CDC14A: variants seen among roughly 807,000 people sequenced by gnomAD.
CDC14A encodes the protein dual specificity protein phosphatase CDC14A.
In CDC14A, 53 loss-of-function variants were observed where a neutral mutation model predicts 74.4. The observed-to-expected ratio is 0.71, with a 90% CI of 0.57 to 0.89. The LOEUF (loss-of-function observed/expected upper bound fraction) is 0.89. CDC14A is among the 40% of genes least tolerant of loss of function. The pLI is 0.00. For synonymous variants in CDC14A, 247 were observed against 258.4 expected (o/e 0.96, Z 0.43); for missense variants, 646 against 713.7 (o/e 0.91, Z 1.08).
In CDC14A at chr1:100,440,022, A is replaced by G. The variant is rs200355432; in HGVS notation, c.456+24A>G. Reference sequence around the variant, plus strand: ...AGGTAATAACAATTCTCCTTGCTGTAGTTGACACAGTAGTTTAAAAAAATA... The same window carrying G: ...AGGTAATAACAATTCTCCTTGCTGTGGTTGACACAGTAGTTTAAAAAAATA... On this transcript the variant is annotated intron_variant, in intron 6 of 15. Coordinates refer to ENST00000336454, the MANE Select transcript of CDC14A (RefSeq NM_003672.4). The G allele has an allele frequency of 7.2e-6, 11 of 1,531,052 alleles. No homozygotes were observed. The African/African-American group carries it at 1.4e-4, about 19-fold the overall frequency. The allele number at this position is 1,531,052 out of a possible 1,614,324, so 94.8% of individuals were successfully genotyped here.
chr1:100,506,286 T>C (rs548963628), intron 15 of CDC14A, among the ~76,000 whole-genome samples: 16 of 152,356 alleles, frequency 1.1e-4, no homozygotes, highest in African/African-American at 3.8e-4. Flanking sequence ...TTTTCATCCT[T>C]CCTCTTTGTT....
chr1:100,439,800 T>C, intron 5 of CDC14A, 132 bp from the exon 6 acceptor site: 1 of 648,136 alleles, frequency 1.5e-6, no homozygotes, highest in Admixed American at 2.5e-5. Context: ...GGATCTAATG[T>C]ATTATATAAG....
intron 5 of CDC14A, among the ~76,000 whole-genome samples, chr1:100,437,584 A>G (rs779526767): frequency 2.4e-4 from 37 of 152,328 alleles, no homozygotes; most frequent in Admixed American, 6.5e-4. Flanking sequence ...GTGGTGACTG[A>G]CTTGCCTAGT....
At chr1:100,429,236 T>TAAATAAATAAATA (rs1242910769) in intron 5 of CDC14A, among the ~76,000 whole-genome samples, 1 of 14,390 alleles carries the variant, frequency 6.9e-5, no homozygotes, top group African/African-American at 4.2e-4. Context: ...TAAATAAATA[T>TAAATAAATAAATA]AAAATAAAAT....
At chr1:100,373,760 T>C (rs1654814326) in intron 2 of CDC14A, among the ~76,000 whole-genome samples, 1 of 152,020 alleles carries the variant, frequency 6.6e-6, no homozygotes, top group African/African-American at 2.4e-5. Context: ...AAGAAATGAG[T>C]CTAGAACTTT....
In CDC14A at chr1:100,491,299, G is replaced by T. The variant is rs6658391; in HGVS notation, c.1138-3519G>T. Among the ~76,000 whole-genome samples, 593 of 143,212 alleles carry T rather than the reference G, an allele frequency of 4.1e-3. 5 individuals carry two copies. The highest frequency in any genetic ancestry group is 0.014 in the African/African-American group (549 of 39,144). 94.0% of individuals were successfully genotyped at this position (143,212 alleles called of 152,430 possible). On this transcript the variant is annotated intron_variant, in intron 11 of 15. Transcript: ENST00000336454. ...ACCTCTTTTTGTAAGGAAGAAGTAG[G>T]TTGGGGGTTTTATATAGCACAGGGA...
chr1:100,468,394 C>G (rs774747560), intron 10 of CDC14A, among the ~76,000 whole-genome samples: 1 of 152,100 alleles, frequency 6.6e-6, no homozygotes, highest in Non-Finnish European at 1.5e-5. Context: ...TGACATCCCA[C>G]TTGGCACTTT....
chr1:100,382,200 C>A (rs1470213552), intron 3 of CDC14A, among the ~76,000 whole-genome samples: 2 of 148,852 alleles, frequency 1.3e-5, no homozygotes, highest in Non-Finnish European at 3.0e-5. Context: ...AACTGAATAC[C>A]TTCCTCTATT....
chr1:100,431,917 A>G (rs970095015), intron 5 of CDC14A, among the ~76,000 whole-genome samples: 11 of 151,962 alleles, frequency 7.2e-5, no homozygotes, highest in Admixed American at 2.0e-4. Context: ...CCCAGAGTAC[A>G]GGTCTTGGTC....
At position 100,369,704 on chromosome 1, in the gene CDC14A, G is replaced by T. The variant is rs201074666; in HGVS notation, c.141-7842G>T. Among the ~76,000 whole-genome samples, 4 of 152,052 alleles carry T rather than the reference G, an allele frequency of 2.6e-5. No homozygotes were observed. The East Asian group carries it at 7.7e-4, about 29-fold the overall frequency. ...GTTTACTCTGTTGATAGTTTATTTT[G>T]CTGTTCAGAAGCTCTTTAGTTTAAT... On this transcript the variant is annotated intron_variant, in intron 2 of 15. Transcript: ENST00000336454.
intron 4 of CDC14A, among the ~76,000 whole-genome samples, chr1:100,401,956 T>C (rs1208245705): frequency 6.6e-6 from 1 of 151,932 alleles, no homozygotes; most frequent in Non-Finnish European, 1.5e-5. Flanking sequence ...GAGAATCACT[T>C]GAACCCGGGA....
At chr1:100,505,025 C>G in intron 15 of CDC14A, 1 of 1,206,588 alleles carries the variant, frequency 8.3e-7, no homozygotes, top group South Asian at 1.8e-5. Context: ...TACATATTGT[C>G]TGTGTATGTA....
intron 4 of CDC14A, among the ~76,000 whole-genome samples, chr1:100,396,332 G>A (rs1658484859): frequency 6.6e-6 from 1 of 152,100 alleles, no homozygotes; most frequent in Non-Finnish European, 1.5e-5. Flanking sequence ...TTTACCAACT[G>A]GTATAGAACT....
In CDC14A at chr1:100,424,227, C is replaced by T. The variant is rs1662683344; in HGVS notation, c.315C>T (p.Ile105=). ...TTACTATTTATCTGTCTTAGGTAAT[C>T]TATTTAAAGAAGACACCAGAAGAAG... The part of the protein sequence containing the change: ...AAFLIGAYAV[I]YLKKTPEEAY... The change falls in exon 5 of 16, where the codon ATC becomes ATT. Residue 105 remains isoleucine, a synonymous_variant. Transcript: ENST00000336454. The T allele has an allele frequency of 6.2e-7, 1 of 1,609,146 alleles. No homozygotes were observed. Among genetic ancestry groups the T allele is most frequent in the Non-Finnish European group, 8.5e-7 (1 of 1,175,588 alleles).
In CDC14A at chr1:100,413,545, G is replaced by T. The variant is rs1165078659; in HGVS notation, c.310-10677G>T. On this transcript the variant is annotated intron_variant, in intron 4 of 15. Coordinates refer to ENST00000336454, the MANE Select transcript of CDC14A (RefSeq NM_003672.4). ...CTAGTTACTAAAATAAATACATTGG[G>T]TTGCTGGTCTACCACCTTCTCTCTT... Among the ~76,000 whole-genome samples, 4 of 152,240 alleles carry T rather than the reference G, an allele frequency of 2.6e-5. No homozygotes were observed. In the East Asian group the frequency reaches 5.8e-4, roughly 22 times the overall value.
At chr1:100,367,242 A>G (rs1011908587) in intron 2 of CDC14A, among the ~76,000 whole-genome samples, 3 of 152,134 alleles carry the variant, frequency 2.0e-5, no homozygotes, top group African/African-American at 7.2e-5. Context: ...TTTTGTTCCA[A>G]GCTGCCCAAA....
intron 3 of CDC14A, among the ~76,000 whole-genome samples, chr1:100,387,460 A>T (rs1571027985): frequency 6.6e-6 from 1 of 152,208 alleles, no homozygotes; most frequent in Admixed American, 6.5e-5. Flanking sequence ...AATTCCAAAA[A>T]TACCTAAGCA....
At chr1:100,363,265 T>G (rs1433742529) in intron 2 of CDC14A, 2 of 152,248 alleles carry the variant, frequency 1.3e-5, no homozygotes, top group African/African-American at 4.8e-5. Context: ...GACATTCACC[T>G]GTGCAAGTTT....
Position 100,484,348 on chromosome 1 carries a change from G to A in CDC14A, c.1034G>A (p.Arg345Gln), listed in dbSNP as rs28364897. The A allele has an allele frequency of 1.4e-3, 2,286 of 1,604,240 alleles. 28 individuals are homozygous for A. Among genetic ancestry groups the A allele is most frequent in the Middle Eastern group, 0.011 (65 of 6,022 alleles). ...GDIFRSKLKN[R>Q]PSSEGSINKI... Reference sequence around the variant, plus strand: ...ATTTTCCGATCCAAACTGAAAAATCGACCATCCAGTGAAGGAAGTATTAAT... The same window carrying A: ...ATTTTCCGATCCAAACTGAAAAATCAACCATCCAGTGAAGGAAGTATTAAT... Residue 345 changes from arginine (R) to glutamine (Q), a missense_variant, in exon 11 of 16, where the codon CGA (arginine) becomes CAA (glutamine). Coordinates refer to ENST00000336454, the MANE Select transcript of CDC14A (RefSeq NM_003672.4).
Sources: gnomAD v4.1 joint callset for allele counts (sites outside exome capture counted in the v4.1 genomes callset) on GRCh38, gnomAD v4.1.1 for gene constraint, MANE v1.5 for transcripts, NCBI Gene and HGNC (gene_info 2026-07-23, HGNC 2026-07-21) for gene names.